Variants in ASIC2 observed in about 807,000 individuals in gnomAD.
ASIC2 encodes acid sensing ion channel subunit 2.
ASIC2 carries 25 observed loss-of-function variants against 57.3 expected under a neutral mutation model. That is an observed-to-expected ratio of 0.44 (90% CI 0.32 to 0.61). The LOEUF is 0.61. Among genes scored for constraint, ASIC2 ranks in the 20% least tolerant of loss-of-function variants. The pLI is 0.06. For synonymous variants in ASIC2, 319 were observed against 307.5 expected, an observed-to-expected ratio of 1.04 and a Z score of -0.39; for missense variants, 641 against 738.1, an observed-to-expected ratio of 0.87 and a Z score of 1.52.
intron 1 of ASIC2, among the ~76,000 whole-genome samples, chr17:33,192,750 C>A (rs1906477738): frequency 6.6e-6 from 1 of 152,178 alleles, no homozygotes; most frequent in South Asian, 2.1e-4. Context: ...CTCTCTGATG[C>A]AATTTCTCAT....
intron 1 of ASIC2, among the ~76,000 whole-genome samples, chr17:33,368,515 T>C (rs1286399840): frequency 1.3e-5 from 2 of 152,224 alleles, no homozygotes; most frequent in South Asian, 2.1e-4. Context: ...GTTTAATAGA[T>C]GGTTGTCTTA....
intron 1 of ASIC2, among the ~76,000 whole-genome samples, chr17:34,121,692 T>A (rs1165072869): frequency 6.6e-6 from 1 of 152,194 alleles, no homozygotes; most frequent in Non-Finnish European, 1.5e-5. Context: ...AAGCTCAAGA[T>A]ACTTCATGAT....
intron 1 of ASIC2, among the ~76,000 whole-genome samples, chr17:33,675,026 A>G (rs3103662): frequency 0.93 from 140,887 of 152,280 alleles, 65,311 homozygotes; most frequent in East Asian, 0.96. Context: ...ACTTTGCAAG[A>G]TTTGGACACA....
chr17:33,452,110 TA>T (rs1912272496), intron 1 of ASIC2, among the ~76,000 whole-genome samples: 1 of 152,196 alleles, frequency 6.6e-6, no homozygotes, highest in South Asian at 2.1e-4. Context: ...GCATGTAAAT[TA>T]AAAGCAAAAA....
In ASIC2 at chr17:33,263,848, C is replaced by T. The variant is rs550831559; in HGVS notation, c.708+27560G>A. Among the ~76,000 whole-genome samples the T allele has an allele frequency of 4.6e-5, 7 of 152,360 alleles. 1 individual carries two copies. The highest frequency in any genetic ancestry group is 1.7e-4 in the African/African-American group (7 of 41,588). ...GGTTCCTCTCCATGCTCCCCTTCTG[C>T]GCGGGACAGAGGGTGGAGCCTCGTG... On this transcript the variant is annotated intron_variant, in intron 1 of 9. Coordinates refer to ENST00000225823, the MANE Select transcript of ASIC2 (RefSeq NM_183377.2).
intron 1 of ASIC2, among the ~76,000 whole-genome samples, chr17:34,140,731 A>G (rs1215430137): frequency 6.6e-6 from 1 of 152,178 alleles, no homozygotes; most frequent in African/African-American, 2.4e-5. Flanking sequence ...TAAAATAGAA[A>G]TCTATGAGTC....
chr17:33,537,604 C>T (rs761464109), intron 1 of ASIC2, among the ~76,000 whole-genome samples: 17 of 152,172 alleles, frequency 1.1e-4, no homozygotes, highest in Non-Finnish European at 2.1e-4. Context: ...ACCTGATCTT[C>T]AATATGACAT....
At chr17:33,109,214 A>G (rs1304815871) in intron 2 of ASIC2, among the ~76,000 whole-genome samples, 6 of 152,162 alleles carry the variant, frequency 3.9e-5, no homozygotes, top group Non-Finnish European at 7.4e-5. Context: ...ATGTAAGCAA[A>G]CACCACCTGT....
intron 1 of ASIC2, among the ~76,000 whole-genome samples, chr17:34,075,145 G>T (rs1403206564): frequency 6.6e-6 from 1 of 151,460 alleles, no homozygotes; most frequent in East Asian, 1.9e-4. Context: ...GCTTGTGAGA[G>T]AGGAGAAGTC....
chr17:33,473,606 C>A lies in ASIC2; in HGVS notation c.556-361539G>T, dbSNP rs567626842. On this transcript the variant is annotated intron_variant, in intron 1 of 9. Coordinates refer to the ASIC2 transcript ENST00000359872. ...ATGACCTGGAGAGGTGGAATGAACACGAGAACATTGTGCTGGGCAAGTTAC... is the reference window on the plus strand; with the variant it reads ...ATGACCTGGAGAGGTGGAATGAACAAGAGAACATTGTGCTGGGCAAGTTAC... Among the ~76,000 whole-genome samples the A allele has an allele frequency of 2.0e-5, 3 of 152,240 alleles. No individual in the cohort carries two copies. The East Asian group carries it at 5.8e-4, about 29-fold the overall frequency.
At chr17:33,065,346 T>A (rs1001799521) in intron 3 of ASIC2, among the ~76,000 whole-genome samples, 3 of 151,752 alleles carry the variant, frequency 2.0e-5, no homozygotes, top group African/African-American at 7.3e-5. Context: ...TCCTGCTATT[T>A]TTTTTTTTTT....
At position 33,868,191 on chromosome 17, in the gene ASIC2, GTGTA is replaced by G. The variant is rs767835775; in HGVS notation, c.555+287783_555+287786del. Among the ~76,000 whole-genome samples, 515 of 104,372 alleles carry G rather than the reference GTGTA, an allele frequency of 4.9e-3. 1 individual carries two copies. Among genetic ancestry groups the G allele is most frequent in the Non-Finnish European group, 7.2e-3 (335 of 46,226 alleles). 68.5% of individuals were successfully genotyped at this position (104,372 alleles called of 152,430 possible). A position where few individuals can be genotyped will look rare whatever the true frequency, so the allele number is the denominator to read the frequency against. ...AGGGTCAACAAATGTATGTGTGTGT[GTGTA>G]TGTGTGTGTGTGTGTGTGTGTGTGA... On this transcript the variant is annotated intron_variant, in intron 1 of 9. Transcript: ENST00000359872.
chr17:33,489,525 C>T (rs973822072), intron 1 of ASIC2, among the ~76,000 whole-genome samples: 2 of 152,182 alleles, frequency 1.3e-5, no homozygotes, highest in Admixed American at 6.5e-5. Flanking sequence ...TGATTGCCAG[C>T]CCCCACCCAA....
intron 1 of ASIC2, among the ~76,000 whole-genome samples, chr17:33,503,211 G>A (rs1914151970): frequency 6.6e-6 from 1 of 152,202 alleles, no homozygotes; most frequent in Non-Finnish European, 1.5e-5. Context: ...TGGTGATGAA[G>A]ATGATAAAAT....
At chr17:33,521,442 G>C (rs1567638246) in intron 1 of ASIC2, among the ~76,000 whole-genome samples, 1 of 152,154 alleles carries the variant, frequency 6.6e-6, no homozygotes, top group Non-Finnish European at 1.5e-5. Flanking sequence ...GTGACTGTAG[G>C]GCAGGGATGG....
At chr17:33,803,342 T>C (rs183332868) in intron 1 of ASIC2, among the ~76,000 whole-genome samples, 15 of 151,826 alleles carry the variant, frequency 9.9e-5, no homozygotes, top group Admixed American at 6.6e-5. Flanking sequence ...TGTATGTGTA[T>C]ATGTGTGGGT....
At position 33,069,845 on chromosome 17, in the gene ASIC2, A is replaced by G. The variant is rs138479176; in HGVS notation, c.987+19018T>C. 6.6e-3 allele frequency among the ~76,000 whole-genome samples: 1,000 copies of G among 152,270 alleles called. 10 individuals carry two copies. The highest frequency in any genetic ancestry group is 0.023 in the African/African-American group (970 of 41,550). On this transcript the variant is annotated intron_variant, in intron 3 of 9. Coordinates refer to ENST00000225823, the MANE Select transcript of ASIC2 (RefSeq NM_183377.2). ...TAAACCATTTGCATTAAATGTGATT[A>G]TTGATGTGTTAGATTTAAGCCTATT... is the stretch of plus-strand genomic sequence containing the variant.
intron 6 of ASIC2, among the ~76,000 whole-genome samples, chr17:33,022,277 C>T (rs1052586027): frequency 2.0e-5 from 3 of 152,192 alleles, no homozygotes; most frequent in African/African-American, 4.8e-5. Context: ...AAACTGCTAA[C>T]TTGATTCAAA....
intron 1 of ASIC2, among the ~76,000 whole-genome samples, chr17:33,305,423 T>C (rs976052183): frequency 6.6e-6 from 1 of 152,166 alleles, no homozygotes; most frequent in African/African-American, 2.4e-5. Flanking sequence ...GTTATTTGTT[T>C]TTCACACTTT....
Sources: allele counts gnomAD v4.1 joint callset (sites outside exome capture counted in the v4.1 genomes callset), GRCh38; gene constraint gnomAD v4.1.1; transcripts MANE v1.5; gene names NCBI Gene and HGNC (gene_info 2026-07-23, HGNC 2026-07-21).